SUSD4: variants seen among roughly 807,000 people sequenced by gnomAD.
The protein encoded by SUSD4 is sushi domain-containing protein 4.
In SUSD4, 41 loss-of-function variants were observed where a neutral mutation model predicts 50.5. The observed-to-expected ratio is 0.81, with a 90% confidence interval of 0.63 to 1.05. SUSD4 has a LOEUF of 1.05. Among genes scored for constraint, SUSD4 ranks in the 50% least tolerant of loss-of-function variants. SUSD4 has a pLI of 0.00. For missense variants in SUSD4, 580 were observed against 634.7 expected (o/e 0.91, Z 0.93); for synonymous variants, 257 against 257.3 (o/e 1.00, Z 0.01).
At chr1:223,283,435 C>A (rs936153444) in intron 3 of SUSD4, among the ~76,000 whole-genome samples, 1 of 152,162 alleles carries the variant, frequency 6.6e-6, no homozygotes, top group African/African-American at 2.4e-5. Flanking sequence ...TGAACAGATA[C>A]TTCTCAAAAG....
upstream of SUSD4, among the ~76,000 whole-genome samples, chr1:223,364,406 G>A (rs1224089988): frequency 6.8e-6 from 1 of 147,554 alleles, no homozygotes; most frequent in African/African-American, 2.5e-5. This position sits in a 1 kb window ranked among gnomAD's most constrained non-coding sequence, Gnocchi z 4.5. Flanking sequence ...GCGCGGGCGC[G>A]CGAGCACGCG....
chr1:223,279,801 T>C (rs908326551), intron 3 of SUSD4, among the ~76,000 whole-genome samples: 2 of 128,104 alleles, frequency 1.6e-5, no homozygotes, highest in Admixed American at 7.9e-5. Context: ...TTCACTGAAG[T>C]TGAAATGAAG....
intron 2 of SUSD4, among the ~76,000 whole-genome samples, chr1:223,298,340 C>G (rs1664970073): frequency 6.6e-6 from 1 of 152,144 alleles, no homozygotes; most frequent in Admixed American, 6.5e-5. Context: ...TCCTATAGCA[C>G]AGACACACTC....
rs1659243325 is a variant in SUSD4 at position 223,223,186 on chromosome 1, G to A, written c.1444+63C>T. 5 of 1,497,656 alleles carry A rather than the reference G, an allele frequency of 3.3e-6. No individual in the cohort carries two copies. In the East Asian group the frequency reaches 1.1e-4, roughly 34 times the overall value. The allele number at this position is 1,497,656 out of a possible 1,614,324, so 92.8% of individuals were successfully genotyped here. On this transcript the variant is annotated intron_variant, in intron 8 of 8. Coordinates refer to ENST00000366878, the MANE Select transcript of SUSD4 (RefSeq NM_017982.4). ...GTGGAGCGTGCGTAGCAAGGAGCTG[G>A]CTTGAAGATGCTGGTGCGGAGGTGT...
At chr1:223,363,577 T>TCCCCCGCGCGG in intron 1 of SUSD4, 117 bp from the exon 2 acceptor site, 3 of 1,219,312 alleles carry the variant, frequency 2.5e-6, no homozygotes, top group Non-Finnish European at 3.3e-6. Context: ...TCCTGGTTCC[T>TCCCCCGCGCGG]CCCCCGCGCG....
At chr1:223,264,387 T>G in intron 5 of SUSD4, 1 of 1,224,850 alleles carries the variant, frequency 8.2e-7, no homozygotes, top group Non-Finnish European at 1.0e-6. Context: ...TAACCTTTAA[T>G]GTTCGCAACT....
intron 7 of SUSD4, among the ~76,000 whole-genome samples, chr1:223,226,399 G>A (rs1019278): frequency 0.01 from 1,539 of 152,324 alleles, 19 homozygotes; most frequent in African/African-American, 0.034. Flanking sequence ...ATTTGTGGCT[G>A]GGGAAAGAGG....
chr1:223,351,362 T>C (rs1668355926), intron 2 of SUSD4, among the ~76,000 whole-genome samples: 1 of 152,256 alleles, frequency 6.6e-6, no homozygotes, highest in South Asian at 2.1e-4. Flanking sequence ...GGCAGCTTGC[T>C]CAGCCAGGTG....
At chr1:223,328,083 T>C (rs1253214177) in intron 2 of SUSD4, among the ~76,000 whole-genome samples, 2 of 151,944 alleles carry the variant, frequency 1.3e-5, no homozygotes, top group African/African-American at 4.8e-5. Flanking sequence ...TCATTCCTAA[T>C]TAGTGTTCTC....
chr1:223,355,849 A>G (rs549189248), intron 2 of SUSD4, among the ~76,000 whole-genome samples: 2 of 152,296 alleles, frequency 1.3e-5, no homozygotes, highest in African/African-American at 4.8e-5. Context: ...GATCAGGTTT[A>G]CCAGGTTCTG....
chr1:223,314,194 C>T (rs1336558030), intron 2 of SUSD4, among the ~76,000 whole-genome samples: 1 of 152,132 alleles, frequency 6.6e-6, no homozygotes, highest in African/African-American at 2.4e-5. Context: ...AGTTCTGTGA[C>T]TTTATGCCTG....
chr1:223,359,356 T>G (rs17162005), intron 2 of SUSD4, among the ~76,000 whole-genome samples: 4 of 152,180 alleles, frequency 2.6e-5, no homozygotes, highest in South Asian at 2.1e-4. Flanking sequence ...GGTCCAATCA[T>G]GTAACCACCT....
intron 2 of SUSD4, among the ~76,000 whole-genome samples, chr1:223,352,747 G>C (rs1572124595): frequency 6.6e-6 from 1 of 152,154 alleles, no homozygotes; most frequent in Non-Finnish European, 1.5e-5. Context: ...GGAGGTGAGA[G>C]GAGGCAGTCA....
chr1:223,320,601 G>C (rs1415461235), intron 2 of SUSD4, among the ~76,000 whole-genome samples: 1 of 152,186 alleles, frequency 6.6e-6, no homozygotes, highest in African/African-American at 2.4e-5. Flanking sequence ...AACAGAGCAA[G>C]GGGGCAGCAG....
intron 5 of SUSD4, among the ~76,000 whole-genome samples, chr1:223,256,333 CT>C (rs1661690142): frequency 6.6e-6 from 1 of 152,176 alleles, no homozygotes; most frequent in African/African-American, 2.4e-5. Flanking sequence ...AGAATCTTGG[CT>C]CTGCAGCCTA....
At chr1:223,266,849 T>G (rs1343739148) in intron 4 of SUSD4, among the ~76,000 whole-genome samples, 1 of 152,220 alleles carries the variant, frequency 6.6e-6, no homozygotes, top group Non-Finnish European at 1.5e-5. Context: ...CCTCATTTCC[T>G]ATGGTGTGCC....
intron 2 of SUSD4, among the ~76,000 whole-genome samples, chr1:223,306,962 T>TG (rs538837690): frequency 0.058 from 8,606 of 149,074 alleles, 623 homozygotes; most frequent in African/African-American, 0.17. Flanking sequence ...TTTTTTTTTT[T>TG]GGGGGGGGGT....
intron 4 of SUSD4, among the ~76,000 whole-genome samples, chr1:223,265,406 T>C (rs189352454): frequency 1.2e-4 from 18 of 152,316 alleles, no homozygotes; most frequent in African/African-American, 3.8e-4. Flanking sequence ...AGTGTAGTGG[T>C]TCTCAAACTC....
intron 5 of SUSD4, among the ~76,000 whole-genome samples, chr1:223,250,688 G>T (rs773916164): frequency 6.6e-6 from 1 of 152,186 alleles, no homozygotes; most frequent in Non-Finnish European, 1.5e-5. Flanking sequence ...GCACAATGGG[G>T]TTAGAGTTCG....
Sources: gnomAD v4.1 joint callset for allele counts (sites outside exome capture counted in the v4.1 genomes callset) on GRCh38, gnomAD v4.1.1 for gene constraint, Gnocchi (gnomAD v3.1) non-coding constraint, MANE v1.5 for transcripts, NCBI Gene and HGNC (gene_info 2026-07-23, HGNC 2026-07-21) for gene names.